Variants in MTUS2 observed in about 807,000 individuals in gnomAD.
MTUS2 encodes the protein microtubule associated scaffold protein 2.
In MTUS2, 40 loss-of-function variants were observed where a neutral mutation model predicts 114.1. The observed-to-expected ratio is 0.35, with a 90% CI of 0.27 to 0.46. The LOEUF (loss-of-function observed/expected upper bound fraction) is 0.46. Ranked by LOEUF, MTUS2 falls within the 20% of genes least tolerant of loss-of-function variation. The pLI is 1.00. For synonymous variants in MTUS2, 688 were observed against 672.0 expected (o/e 1.02, Z -0.37); for missense variants, 1,679 against 1,705.4 (o/e 0.98, Z 0.27).
Position 29,441,006 on chromosome 13 carries a change from C to T in MTUS2, c.3184+957C>T, listed in dbSNP as rs533654832. Among the ~76,000 whole-genome samples the T allele has an allele frequency of 7.2e-5, 11 of 152,308 alleles. 1 individual carries two copies. In the South Asian group the frequency reaches 2.1e-3, roughly 29 times the overall value. On this transcript the variant is annotated intron_variant, in intron 9 of 15. Coordinates refer to ENST00000612955, the MANE Select transcript of MTUS2 (RefSeq NM_001033602.4). ...CTTTGTTAAAATGTTTTCTTTTTCT[C>T]CCCTGTGAGTTCTGTGACTTCTTTT...
intron 8 of MTUS2, among the ~76,000 whole-genome samples, chr13:29,378,783 A>G (rs750159843): frequency 6.6e-6 from 1 of 150,550 alleles, no homozygotes; most frequent in Non-Finnish European, 1.5e-5. Context: ...GAACCCCCAT[A>G]ATTTGGGAGA....
chr13:29,027,698 C>G (rs1334898503), intron 3 of MTUS2, among the ~76,000 whole-genome samples: 1 of 152,110 alleles, frequency 6.6e-6, no homozygotes, highest in Non-Finnish European at 1.5e-5. Context: ...ACTACAGGCG[C>G]CCGCCACCGC....
rs138879571 is a variant in MTUS2, at chr13:29,321,345, A to G, written c.2807-3268A>G. ...GACCAAAGACCACACTAGCATTTCTAGACACTCAGGGATCTCATTGAGTGA... is the reference window on the plus strand; with the variant it reads ...GACCAAAGACCACACTAGCATTTCTGGACACTCAGGGATCTCATTGAGTGA... On this transcript the variant is annotated intron_variant, in intron 6 of 15. Coordinates refer to ENST00000612955, the MANE Select transcript of MTUS2 (RefSeq NM_001033602.4). Among the ~76,000 whole-genome samples, 10 of 152,336 alleles carry G rather than the reference A, an allele frequency of 6.6e-5. No individual in the cohort carries two copies. The East Asian group carries it at 1.9e-3, about 29-fold the overall frequency.
intron 5 of MTUS2, among the ~76,000 whole-genome samples, chr13:29,265,161 C>G (rs1897622750): frequency 6.6e-6 from 1 of 152,214 alleles, no homozygotes; most frequent in Non-Finnish European, 1.5e-5. Flanking sequence ...TTTCTTCCAC[C>G]AAATTCTATA....
chr13:29,393,045 T>A (rs1041185007), intron 8 of MTUS2, among the ~76,000 whole-genome samples: 3 of 152,236 alleles, frequency 2.0e-5, no homozygotes, highest in African/African-American at 7.2e-5. Flanking sequence ...TACATGAGAC[T>A]GTCCCAGCAC....
chr13:29,020,407 C>T (rs773044513), intron 2 of MTUS2, among the ~76,000 whole-genome samples: 1 of 152,076 alleles, frequency 6.6e-6, no homozygotes, highest in Non-Finnish European at 1.5e-5. Flanking sequence ...AAACGTTTAT[C>T]TTAGTAGAAG....
chr13:29,465,096 C>A (rs191188134), intron 9 of MTUS2, among the ~76,000 whole-genome samples: 2 of 152,246 alleles, frequency 1.3e-5, no homozygotes, highest in African/African-American at 4.8e-5. Context: ...GTTCAATAAC[C>A]CTCTCTACAC....
At chr13:29,336,665 G>A (rs4259909) in intron 7 of MTUS2, among the ~76,000 whole-genome samples, 28,601 of 152,180 alleles carry the variant, frequency 0.19, 2,777 homozygotes, top group Middle Eastern at 0.22. Flanking sequence ...GAGCTCCAGC[G>A]CTGTGCTGGG....
intron 8 of MTUS2, among the ~76,000 whole-genome samples, chr13:29,397,942 ATTG>A (rs1874028443): frequency 6.6e-6 from 1 of 152,208 alleles, no homozygotes; most frequent in African/African-American, 2.4e-5. Flanking sequence ...TTTGAACATA[ATTG>A]TTGTATTTTG....
rs1471544139 is a variant in MTUS2 at position 29,172,012 on chromosome 13, C to T, written c.2644+71042C>T. On this transcript the variant is annotated intron_variant, in intron 5 of 15. Coordinates refer to ENST00000612955, the MANE Select transcript of MTUS2 (RefSeq NM_001033602.4). ...CCTGTTTCTTCCAGGTGGCCACATG[C>T]CCCACTAAAGTAATTGGGTTATATT... 2.0e-5 allele frequency among the ~76,000 whole-genome samples: 3 copies of T among 152,172 alleles called. No individual in the cohort carries two copies. The East Asian group carries it at 5.8e-4, about 29-fold the overall frequency.
chr13:28,932,317 G>C (rs950127834), intron 2 of MTUS2, among the ~76,000 whole-genome samples: 5 of 152,140 alleles, frequency 3.3e-5, no homozygotes, highest in Non-Finnish European at 7.4e-5. Context: ...TAATGTATTA[G>C]GTATTGTAAG....
intron 5 of MTUS2, among the ~76,000 whole-genome samples, chr13:29,133,909 G>C (rs1891866581): frequency 1.3e-5 from 2 of 151,930 alleles, no homozygotes; most frequent in South Asian, 4.2e-4. Flanking sequence ...ACCCTTTACT[G>C]TTTCCTTCCT....
chr13:29,273,894 T>C (rs982381128), intron 5 of MTUS2, among the ~76,000 whole-genome samples: 3 of 152,210 alleles, frequency 2.0e-5, no homozygotes, highest in Non-Finnish European at 4.4e-5. Flanking sequence ...GGTATGGATA[T>C]ACCATATTTA....
intron 5 of MTUS2, among the ~76,000 whole-genome samples, chr13:29,200,525 T>TTTTTTTTG (rs1424460238): frequency 7.3e-6 from 1 of 137,370 alleles, no homozygotes; most frequent in Admixed American, 7.3e-5. Flanking sequence ...TTTTCTGTTT[T>TTTTTTTTG]TTTTTTTTTT....
At chr13:29,068,174 C>CA (rs2138674321) in intron 4 of MTUS2, among the ~76,000 whole-genome samples, 1 of 152,280 alleles carries the variant, frequency 6.6e-6, no homozygotes, top group African/African-American at 2.4e-5. Flanking sequence ...TTGGAGGCTG[C>CA]AAAAGAACCA....
intron 6 of MTUS2, among the ~76,000 whole-genome samples, chr13:29,304,634 A>G (rs1899356803): frequency 6.6e-6 from 1 of 152,248 alleles, no homozygotes; most frequent in Admixed American, 6.5e-5. Context: ...GCAGATTCAT[A>G]AAGCAAGTTC....
intron 2 of MTUS2, among the ~76,000 whole-genome samples, chr13:28,977,722 GA>G (rs887889936): frequency 8.6e-5 from 13 of 151,120 alleles, no homozygotes; most frequent in African/African-American, 2.7e-4. Flanking sequence ...GGTGAAGACA[GA>G]AAAAAAAATA....
intron 2 of MTUS2, among the ~76,000 whole-genome samples, chr13:28,868,081 G>A (rs1014147403): frequency 6.6e-6 from 1 of 152,150 alleles, no homozygotes; most frequent in Admixed American, 6.5e-5. Flanking sequence ...TTATAACAAA[G>A]ATGAAGGGAT....
At chr13:29,009,619 A>T (rs1006620340) in intron 2 of MTUS2, among the ~76,000 whole-genome samples, 1 of 152,220 alleles carries the variant, frequency 6.6e-6, no homozygotes, top group Admixed American at 6.5e-5. Flanking sequence ...GGGGTTATCA[A>T]CTGTTCTGTA....
Sources: gnomAD v4.1 joint callset for allele counts (sites outside exome capture counted in the v4.1 genomes callset) on GRCh38, gnomAD v4.1.1 for gene constraint, MANE v1.5 for transcripts, NCBI Gene and HGNC (gene_info 2026-07-23, HGNC 2026-07-21) for gene names.